PTDSS1: variants seen among roughly 807,000 people sequenced by gnomAD.
PTDSS1 encodes PSS-1.
PTDSS1 carries 45 observed loss-of-function variants against 70.5 expected under a neutral mutation model. The observed-to-expected ratio is 0.64, with a 90% CI of 0.50 to 0.82. The LOEUF (loss-of-function observed/expected upper bound fraction) is 0.82, where lower values mean the gene tolerates loss of function less well. Among genes scored for constraint, PTDSS1 ranks in the 40% least tolerant of loss-of-function variants. The pLI is 0.00. For synonymous variants in PTDSS1, 188 were observed against 203.8 expected (o/e 0.92, Z 0.66); for missense variants, 417 against 586.1 (o/e 0.71, Z 2.98).
intron 2 of PTDSS1, among the ~76,000 whole-genome samples, chr8:96,279,356 T>G (rs1162723053): frequency 3.3e-5 from 5 of 151,930 alleles, no homozygotes; most frequent in Non-Finnish European, 1.5e-5. Context: ...TTTATCATTG[T>G]TTCTTCTTCT....
chr8:96,290,931 G>T (rs1244512135), intron 4 of PTDSS1, among the ~76,000 whole-genome samples: 1 of 145,458 alleles, frequency 6.9e-6, no homozygotes, highest in Middle Eastern at 3.3e-3. Context: ...AAATCCCTTA[G>T]AATTAATATT....
intron 9 of PTDSS1, among the ~76,000 whole-genome samples, chr8:96,317,621 G>A (rs1429073656): frequency 6.6e-6 from 1 of 152,102 alleles, no homozygotes; most frequent in Non-Finnish European, 1.5e-5. Flanking sequence ...TGTAGTCCCG[G>A]CTACTCGGGA....
intron 1 of PTDSS1, among the ~76,000 whole-genome samples, chr8:96,268,410 G>A (rs1364648626): frequency 6.6e-6 from 1 of 152,080 alleles, no homozygotes; most frequent in African/African-American, 2.4e-5. Flanking sequence ...AGATGGGAGG[G>A]GGAGAGGGAC....
chr8:96,303,893 C>T (rs545201651), intron 6 of PTDSS1, 147 bp from the exon 7 acceptor site: 4 of 874,682 alleles, frequency 4.6e-6, no homozygotes, highest in East Asian at 2.6e-5. Flanking sequence ...TATAGAGAGA[C>T]CTTTGAGACA....
rs1456995878 is a variant in PTDSS1, at chr8:96,334,164, A to G, written c.*598A>G. On this transcript the variant is annotated 3_prime_UTR_variant, in exon 13 of 13. Coordinates refer to ENST00000517309, the MANE Select transcript of PTDSS1 (RefSeq NM_014754.3). ...AGCAGAAAAGGGAGAGAGGTGTTGT[A>G]TTCCTGTTTGGTAACCTCAGTCTCC... is the stretch of plus-strand genomic sequence containing the variant. 4.6e-6 allele frequency: 1 copy of G among 217,524 alleles called. No individual in the cohort carries two copies. The highest frequency in any genetic ancestry group is 9.0e-6 in the Non-Finnish European group (1 of 110,506). 13.5% of individuals were successfully genotyped at this position (217,524 alleles called of 1,614,324 possible). A position where few individuals can be genotyped will look rare whatever the true frequency, so the allele number is the denominator to read the frequency against.
chr8:96,261,971 A>C lies in PTDSS1; in HGVS notation c.-70A>C. On this transcript the variant is annotated 5_prime_UTR_variant, in exon 1 of 13. Transcript: ENST00000517309. ...GTCCGGCTATTAGCCTACTGTGGCT[A>C]GTCACCCCCGGGGTCCCGGCCTTCT... 6.7e-7 allele frequency: 1 copy of C among 1,491,200 alleles called. No homozygotes were observed. The highest frequency in any genetic ancestry group is 9.1e-7 in the Non-Finnish European group (1 of 1,101,258). 92.4% of individuals were successfully genotyped at this position (1,491,200 alleles called of 1,614,324 possible).
chr8:96,284,257 A>T, intron 3 of PTDSS1, 104 bp downstream of exon 3: 1 of 1,091,130 alleles, frequency 9.2e-7, no homozygotes, highest in Non-Finnish European at 1.3e-6. Context: ...TTAAAACTTT[A>T]TTCTAGCTTT....
chr8:96,263,350 CCT>C (rs1260469068), intron 1 of PTDSS1, among the ~76,000 whole-genome samples: 1 of 152,162 alleles, frequency 6.6e-6, no homozygotes, highest in East Asian at 1.9e-4. Flanking sequence ...GGAAGTCACA[CCT>C]CTCTCACCAT....
At chr8:96,311,924 G>A (rs1378491903) in intron 9 of PTDSS1, among the ~76,000 whole-genome samples, 1 of 152,174 alleles carries the variant, frequency 6.6e-6, no homozygotes, top group Admixed American at 6.5e-5. Context: ...TCCTTTTCCT[G>A]CATTTGAGCT....
rs1187206606 is a variant in PTDSS1 at position 96,336,590 on chromosome 8, T to C, written c.*3024T>C. Reference sequence around the variant, plus strand: ...GCAGAGTTCCTGGGCCACCCTAATGTTTACCAGGTGGGCGTTGTTTATATG... The same window carrying C: ...GCAGAGTTCCTGGGCCACCCTAATGCTTACCAGGTGGGCGTTGTTTATATG... On this transcript the variant is annotated 3_prime_UTR_variant, in exon 13 of 13. Coordinates refer to ENST00000517309, the MANE Select transcript of PTDSS1 (RefSeq NM_014754.3). The C allele has an allele frequency of 6.6e-6, 1 of 152,026 alleles. No individual in the cohort carries two copies. The highest frequency in any genetic ancestry group is 1.9e-4 in the East Asian group (1 of 5,192). The allele number at this position is 152,026 out of a possible 1,614,324, so 9.4% of individuals were successfully genotyped here. A position where few individuals can be genotyped will look rare whatever the true frequency, so the allele number is the denominator to read the frequency against.
chr8:96,279,800 C>T (rs1415724392), intron 2 of PTDSS1, among the ~76,000 whole-genome samples: 2 of 151,034 alleles, frequency 1.3e-5, no homozygotes, highest in African/African-American at 4.9e-5. Context: ...GCTTAGGCAA[C>T]AGAGCAATAC....
rs544774692 is a variant in PTDSS1 at position 96,280,784 on chromosome 8, G to A, written c.272-3325G>A. 1.2e-3 allele frequency among the ~76,000 whole-genome samples: 176 copies of A among 152,192 alleles called. 1 individual carries two copies. The highest frequency in any genetic ancestry group is 4.0e-3 in the African/African-American group (165 of 41,522). ...CTCCCAGGCAGCTTTTATCAAATCC[G>A]ATATAAAGCACAGGTAAGGAGTAGG... is the stretch of plus-strand genomic sequence containing the variant. On this transcript the variant is annotated intron_variant, in intron 2 of 12. Coordinates refer to ENST00000517309, the MANE Select transcript of PTDSS1 (RefSeq NM_014754.3).
intron 10 of PTDSS1, among the ~76,000 whole-genome samples, chr8:96,325,701 A>G (rs1312814892): frequency 6.6e-6 from 1 of 152,176 alleles, no homozygotes; most frequent in Non-Finnish European, 1.5e-5. Flanking sequence ...TCCAAAATTC[A>G]GAACTCAATC....
intron 11 of PTDSS1, chr8:96,330,595 C>G: frequency 2.4e-6 from 1 of 424,036 alleles, no homozygotes; most frequent in South Asian, 2.5e-5. Context: ...GGTTTTCTCC[C>G]CAGCTCTTGA....
chr8:96,329,797 C>G (rs1358115832), intron 10 of PTDSS1, among the ~76,000 whole-genome samples: 1 of 152,184 alleles, frequency 6.6e-6, no homozygotes, highest in Non-Finnish European at 1.5e-5. Context: ...ACCTCTTCCC[C>G]CTAGAAGCTG....
Position 96,329,418 on chromosome 8 carries a change from C to G in PTDSS1, c.1174-795C>G, listed in dbSNP as rs542074285. Among the ~76,000 whole-genome samples the G allele has an allele frequency of 2.6e-5, 4 of 152,308 alleles. No homozygotes were observed. In the East Asian group the frequency reaches 7.7e-4, roughly 29 times the overall value. ...TGCCTTTGGTATGCAGTCCAGGCAG[C>G]TGGAGACTTTTCCTAAGCTTTGATT... On this transcript the variant is annotated intron_variant, in intron 10 of 12. Coordinates refer to ENST00000517309, the MANE Select transcript of PTDSS1 (RefSeq NM_014754.3).
intron 2 of PTDSS1, among the ~76,000 whole-genome samples, chr8:96,280,670 C>T (rs955434861): frequency 2.0e-5 from 3 of 152,130 alleles, no homozygotes; most frequent in Non-Finnish European, 4.4e-5. Context: ...CAAAACCCAG[C>T]GTTCGTTGCT....
intron 9 of PTDSS1, among the ~76,000 whole-genome samples, chr8:96,316,700 A>C (rs1474873834): frequency 6.6e-6 from 1 of 152,196 alleles, no homozygotes; most frequent in Non-Finnish European, 1.5e-5. Context: ...TTAAAAAAAC[A>C]TTAAGCAAAC....
Position 96,320,319 on chromosome 8 carries a change from T to C in PTDSS1, c.1147T>C (p.Tyr383His). The C allele has an allele frequency of 6.2e-7, 1 of 1,612,528 alleles. No individual in the cohort carries two copies. The highest frequency in any genetic ancestry group is 8.5e-7 in the Non-Finnish European group (1 of 1,178,550). The change falls in exon 10 of 13, where the codon TAT becomes CAT. Residue 383 changes from tyrosine (Y) to histidine (H), a missense_variant. By Grantham distance (83) the Tyr-to-His change is moderately conservative (BLOSUM62 2). Around this residue, in one of 3 missense-constraint regions of PTDSS1, gnomAD observed 107 missense variants for 122.3 expected, o/e 0.88. Coordinates refer to ENST00000517309, the MANE Select transcript of PTDSS1 (RefSeq NM_014754.3). ...QDLFSKTQIL[Y>H]VVLWLLCVAF... ...TCTCTTCTCTAAGACCCAAATACTC[T>C]ATGTTGTGCTTTGGCTTCTTTGCGT...
Sources: gnomAD v4.1 joint callset for allele counts (sites outside exome capture counted in the v4.1 genomes callset) on GRCh38, gnomAD v4.1.1 for gene constraint, gnomAD v4.1.1 regional missense constraint, MANE v1.5 for transcripts, NCBI Gene and HGNC (gene_info 2026-07-23, HGNC 2026-07-21) for gene names.